The following L3MBTL4 variants were observed in gnomAD, a reference collection of about 807,000 sequenced individuals.
The protein encoded by L3MBTL4 is L3MBTL histone methyl-lysine binding protein 4.
L3MBTL4 carries 70 observed loss-of-function variants against 84.5 expected under a neutral mutation model. The ratio of observed to expected loss-of-function variants is 0.83; its 90% CI spans 0.68 to 1.01. The LOEUF is 1.01. L3MBTL4 is among the 50% of genes least tolerant of loss of function. The pLI, the probability that L3MBTL4 is intolerant of heterozygous loss-of-function variation, is 0.00. For synonymous variants in L3MBTL4, 274 were observed against 259.8 expected (o/e 1.05, Z -0.52); for missense variants, 715 against 754.8 (o/e 0.95, Z 0.62).
At chr18:6,309,957 A>G (rs1346382237) in intron 3 of L3MBTL4, among the ~76,000 whole-genome samples, 1 of 152,230 alleles carries the variant, frequency 6.6e-6, no homozygotes, top group Non-Finnish European at 1.5e-5. Flanking sequence ...GTTCTCAAAC[A>G]TGAGTGGGCT....
At chr18:6,073,646 A>G (rs9961584) in intron 16 of L3MBTL4, among the ~76,000 whole-genome samples, 69,904 of 151,986 alleles carry the variant, frequency 0.46, 16,599 homozygotes, top group East Asian at 0.63. Flanking sequence ...GTTCTCACTT[A>G]GCATGGTAGT....
At chr18:6,370,492 G>C (rs2054114875) in intron 1 of L3MBTL4, among the ~76,000 whole-genome samples, 1 of 152,178 alleles carries the variant, frequency 6.6e-6, no homozygotes, top group South Asian at 2.1e-4. Flanking sequence ...AGCAGCTGTG[G>C]GAAACCACGC....
chr18:6,239,152 T>A (rs1320318735), intron 9 of L3MBTL4, among the ~76,000 whole-genome samples: 1 of 151,678 alleles, frequency 6.6e-6, no homozygotes, highest in African/African-American at 2.4e-5. Flanking sequence ...CCATCCCGGC[T>A]AAAACGGTGA....
chr18:6,271,460 G>A (rs748260068), intron 4 of L3MBTL4, among the ~76,000 whole-genome samples: 3 of 152,190 alleles, frequency 2.0e-5, no homozygotes, highest in Non-Finnish European at 2.9e-5. Context: ...GCGGCAAAGG[G>A]AGAAGGCAAA....
At chr18:6,084,848 A>G (rs2058206120) in intron 15 of L3MBTL4, among the ~76,000 whole-genome samples, 1 of 152,170 alleles carries the variant, frequency 6.6e-6, no homozygotes, top group Non-Finnish European at 1.5e-5. Context: ...GCCTCAATAC[A>G]AATTTTATCA....
intron 8 of L3MBTL4, 121 bp from the exon 9 acceptor site, chr18:6,239,993 T>A: frequency 2.2e-6 from 2 of 925,970 alleles, no homozygotes; most frequent in Non-Finnish European, 3.2e-6. Flanking sequence ...GCACTTAGCC[T>A]CTGGACAAAG....
intron 12 of L3MBTL4, among the ~76,000 whole-genome samples, chr18:6,188,002 CA>C (rs201235418): frequency 0.031 from 4,471 of 143,692 alleles, 202 homozygotes; most frequent in African/African-American, 0.097. Flanking sequence ...TAGATCAAAA[CA>C]AAAAAAAAAA....
At chr18:6,372,981 A>T (rs1024841485) in intron 1 of L3MBTL4, among the ~76,000 whole-genome samples, 12 of 152,246 alleles carry the variant, frequency 7.9e-5, no homozygotes, top group African/African-American at 2.7e-4. Context: ...TGCAAAGCAC[A>T]TTTAAATATA....
chr18:6,348,539 T>A (rs1014882893), intron 1 of L3MBTL4, among the ~76,000 whole-genome samples: 2 of 152,052 alleles, frequency 1.3e-5, no homozygotes, highest in East Asian at 3.8e-4. Context: ...ATATAACCCA[T>A]ACACCAAAAG....
chr18:6,294,132 G>A (rs1377675557), intron 4 of L3MBTL4, among the ~76,000 whole-genome samples: 1 of 151,986 alleles, frequency 6.6e-6, no homozygotes, highest in Non-Finnish European at 1.5e-5. Flanking sequence ...GGGTGATGAG[G>A]TATCGGATTG....
intron 16 of L3MBTL4, among the ~76,000 whole-genome samples, chr18:6,009,876 T>C (rs1194248200): frequency 6.6e-6 from 1 of 151,458 alleles, no homozygotes; most frequent in Non-Finnish European, 1.5e-5. Flanking sequence ...TCTAATTTGG[T>C]TCTATTCTAT....
At chr18:6,052,283 G>A (rs184261476) in intron 16 of L3MBTL4, among the ~76,000 whole-genome samples, 8 of 152,242 alleles carry the variant, frequency 5.3e-5, no homozygotes, top group Middle Eastern at 3.4e-3. Flanking sequence ...TGGCATGGTC[G>A]CATGGATAAA....
At chr18:5,994,149 AGCCCTCCTCCGGAAAGCCTAGGCACT>A (rs2053835516) in intron 16 of L3MBTL4, among the ~76,000 whole-genome samples, 1 of 152,126 alleles carries the variant, frequency 6.6e-6, no homozygotes, top group African/African-American at 2.4e-5. Flanking sequence ...CTTCCTCTGA[AGCCCTCCTCCGGAAAGCCTAGGCACT>A]GCGCAGTGAA....
chr18:6,257,927 T>G (rs539338225), intron 5 of L3MBTL4, among the ~76,000 whole-genome samples: 25 of 152,302 alleles, frequency 1.6e-4, no homozygotes, highest in African/African-American at 5.8e-4. Flanking sequence ...ATTAGAGGCA[T>G]GAGCCACATC....
intron 13 of L3MBTL4, among the ~76,000 whole-genome samples, chr18:6,162,887 G>A (rs2145034750): frequency 6.6e-6 from 1 of 152,334 alleles, no homozygotes; most frequent in East Asian, 1.9e-4. Context: ...AATGTGAGGT[G>A]TAAATGAAAG....
At chr18:6,278,447 G>A (rs1395397420) in intron 4 of L3MBTL4, among the ~76,000 whole-genome samples, 1 of 152,054 alleles carries the variant, frequency 6.6e-6, no homozygotes, top group Non-Finnish European at 1.5e-5. Context: ...TACCTCCTTA[G>A]TAATATACCA....
At chr18:6,081,080 C>T in intron 15 of L3MBTL4, 129 bp from the exon 16 acceptor site, 2 of 575,300 alleles carry the variant, frequency 3.5e-6, no homozygotes, top group East Asian at 3.1e-5. Context: ...TTTTGCTGCA[C>T]AGAGCCTTGT....
intron 16 of L3MBTL4, among the ~76,000 whole-genome samples, chr18:6,015,686 C>T (rs566685458): frequency 1.3e-5 from 2 of 152,192 alleles, no homozygotes; most frequent in East Asian, 1.9e-4. Context: ...TGGCTGGGTG[C>T]GGTGGCTCAC....
chr18:6,279,737 A>C (rs537008588), intron 4 of L3MBTL4, among the ~76,000 whole-genome samples: 1 of 152,242 alleles, frequency 6.6e-6, no homozygotes, highest in South Asian at 2.1e-4. Context: ...ATAATCCCTC[A>C]TGAATACCAC....
Sources: allele counts gnomAD v4.1 joint callset (sites outside exome capture counted in the v4.1 genomes callset), GRCh38; gene constraint gnomAD v4.1.1; transcripts MANE v1.5; gene names NCBI Gene and HGNC (gene_info 2026-07-23, HGNC 2026-07-21).